The following AP2B1 variants were observed in gnomAD, a reference collection of about 807,000 sequenced individuals.
The protein encoded by AP2B1 is adaptor related protein complex 2 subunit beta 1.
A neutral mutation model predicts 102.0 loss-of-function variants in AP2B1; 23 were observed. That is an observed-to-expected ratio of 0.23 (90% CI 0.16 to 0.32). AP2B1 has a LOEUF of 0.32. Among genes scored for constraint, AP2B1 ranks in the 10% least tolerant of loss-of-function variants. The probability of loss-of-function intolerance (pLI) is 1.00; values close to 1 mark genes in which losing one functional copy is unlikely to be tolerated. For missense variants in AP2B1, 541 were observed against 1,157.4 expected (o/e 0.47, Z 7.73); for synonymous variants, 381 against 421.2 (o/e 0.90, Z 1.17).
At chr17:35,604,854 C>T (rs748400053) in intron 3 of AP2B1, among the ~76,000 whole-genome samples, 1 of 152,184 alleles carries the variant, frequency 6.6e-6, no homozygotes, top group Non-Finnish European at 1.5e-5. Context: ...CTAGGATTAA[C>T]ATTTTTTCAT....
At chr17:35,705,023 T>A (rs1407157584) in intron 18 of AP2B1, among the ~76,000 whole-genome samples, 1 of 151,972 alleles carries the variant, frequency 6.6e-6, no homozygotes, top group Non-Finnish European at 1.5e-5. Flanking sequence ...AGAGCCAGAC[T>A]CTGTCTCAAA....
chr17:35,610,142 A>ATTTATTT (rs113790186), intron 5 of AP2B1, among the ~76,000 whole-genome samples: 127,841 of 149,288 alleles, frequency 0.86, 55,158 homozygotes, highest in East Asian at 0.97. Flanking sequence ...GGTACCTTTT[A>ATTTATTT]TTTATTTTTT....
intron 2 of AP2B1, among the ~76,000 whole-genome samples, chr17:35,596,250 G>A (rs1184975547): frequency 6.6e-6 from 1 of 152,200 alleles, no homozygotes; most frequent in African/African-American, 2.4e-5. Context: ...GTTCCCGGAA[G>A]TGAATGAGAG....
At chr17:35,641,847 T>G (rs1466900103) in intron 11 of AP2B1, 30 bp from the exon 12 acceptor site, 2 of 1,531,286 alleles carry the variant, frequency 1.3e-6, no homozygotes, top group Non-Finnish European at 1.8e-6. Context: ...GTGCCATTCT[T>G]TCACACTATC....
At position 35,682,766 on chromosome 17, in the gene AP2B1, C is replaced by G. The variant is rs1393883963; in HGVS notation, c.2396C>G (p.Ser799Cys). 6.2e-7 allele frequency: 1 copy of G among 1,613,204 alleles called. No individual in the cohort carries two copies. Among genetic ancestry groups the G allele is most frequent in the South Asian group, 1.1e-5 (1 of 91,076 alleles). Residue 799 changes from serine (S) to cysteine (C), a missense_variant, in exon 18 of 22, where the codon TCC (serine) becomes TGC (cysteine). Coordinates refer to ENST00000610402, the MANE Select transcript of AP2B1 (RefSeq NM_001030006.2). ...PLMPNQSIDV[S>C]LPLNTLGPVM... ...ATGCCAAACCAGAGCATTGATGTCT[C>G]CCTGCCTCTCAATACCTTGGGCCCA...
At chr17:35,611,263 A>G (rs2073854922) in intron 5 of AP2B1, among the ~76,000 whole-genome samples, 2 of 152,222 alleles carry the variant, frequency 1.3e-5, no homozygotes, top group Non-Finnish European at 2.9e-5. Flanking sequence ...CCAGGTGGGC[A>G]GAATATCATG....
intron 20 of AP2B1, among the ~76,000 whole-genome samples, chr17:35,715,063 C>T (rs782570801): frequency 7.2e-5 from 11 of 152,156 alleles, no homozygotes; most frequent in Non-Finnish European, 1.5e-4. Flanking sequence ...TTCTGCAATC[C>T]GTAAATCTTC....
At chr17:35,588,846 A>G (rs2072991003) in intron 1 of AP2B1, 1 of 152,230 alleles carries the variant, frequency 6.6e-6, no homozygotes, top group South Asian at 2.1e-4. Flanking sequence ...ATATAAATCT[A>G]ATATTCTGAC....
chr17:35,610,524 A>G (rs1161360647), intron 5 of AP2B1, among the ~76,000 whole-genome samples: 1 of 151,774 alleles, frequency 6.6e-6, no homozygotes. Context: ...GCACTTTGGG[A>G]GGCTGAGGCA....
chr17:35,723,681 C>T lies in AP2B1; in HGVS notation c.2838C>T (p.Asp946=). 1 of 1,612,386 alleles carries T rather than the reference C, an allele frequency of 6.2e-7. No homozygotes were observed. Among genetic ancestry groups the T allele is most frequent in the East Asian group, 2.2e-5 (1 of 44,878 alleles). ...EVSQYIYQVY[D]SILKN is the part of the protein sequence containing the mutation. ...CTCAATACATCTATCAGGTCTACGA[C>T]AGCATTTTGAAAAACTAACAAGACT... is the stretch of plus-strand genomic sequence containing the variant. Residue 946 remains aspartate, a synonymous_variant, in exon 22 of 22, where the codon GAC becomes GAT. Transcript: ENST00000610402.
Position 35,640,418 on chromosome 17 carries a change from A to G in AP2B1, c.1437+658A>G, listed in dbSNP as rs542223806. Among the ~76,000 whole-genome samples, 7 of 150,678 alleles carry G rather than the reference A, an allele frequency of 4.6e-5. No individual in the cohort carries two copies. In the South Asian group the frequency reaches 8.4e-4, roughly 18 times the overall value. ...CTCCCAACTAATTTTTTGTATTTTTAGTAGAGACAGGGTTTCACCATGTTG... is the reference window on the plus strand; with the variant it reads ...CTCCCAACTAATTTTTTGTATTTTTGGTAGAGACAGGGTTTCACCATGTTG... On this transcript the variant is annotated intron_variant, in intron 11 of 21. Coordinates refer to ENST00000610402, the MANE Select transcript of AP2B1 (RefSeq NM_001030006.2).
intron 14 of AP2B1, among the ~76,000 whole-genome samples, chr17:35,661,829 C>T (rs980998857): frequency 8.5e-5 from 13 of 152,216 alleles, no homozygotes; most frequent in Non-Finnish European, 1.5e-4. Context: ...TACTGTCACA[C>T]TCATAAAATT....
chr17:35,721,541 G>A (rs1472339414), intron 21 of AP2B1, among the ~76,000 whole-genome samples: 2 of 152,076 alleles, frequency 1.3e-5, no homozygotes, highest in African/African-American at 4.8e-5. Context: ...GGGGAGGTGT[G>A]GATATTAAGA....
intron 21 of AP2B1, among the ~76,000 whole-genome samples, chr17:35,717,876 G>A (rs2085225207): frequency 6.6e-6 from 1 of 152,160 alleles, no homozygotes; most frequent in South Asian, 2.1e-4. Context: ...TTTAGTTTGG[G>A]AAATTTCCTT....
intron 18 of AP2B1, among the ~76,000 whole-genome samples, chr17:35,704,834 C>A (rs587655088): frequency 6.6e-6 from 1 of 152,160 alleles, no homozygotes; most frequent in South Asian, 2.1e-4. Flanking sequence ...AATTCGAGAC[C>A]AGCCTGACCA....
chr17:35,717,580 T>TC (rs2143011788), intron 21 of AP2B1, among the ~76,000 whole-genome samples: 1 of 152,176 alleles, frequency 6.6e-6, no homozygotes, highest in South Asian at 2.1e-4. Flanking sequence ...AATCCATCCC[T>TC]CCCCCCTGGT....
rs148753910 is a variant in AP2B1 at position 35,596,604 on chromosome 17, G to A, written c.38-1626G>A. Among the ~76,000 whole-genome samples the A allele has an allele frequency of 2.7e-3, 408 of 150,890 alleles. 5 individuals carry two copies. In the East Asian group the frequency reaches 0.048, roughly 18 times the overall value. ...TCATCCCGCGCCTGCCAGGCCCGGC[G>A]GCCATGTCGCTCACTCGGGTGGCGG... On this transcript the variant is annotated intron_variant, in intron 2 of 21. Transcript: ENST00000610402.
intron 5 of AP2B1, among the ~76,000 whole-genome samples, chr17:35,617,754 T>C (rs225246): frequency 0.87 from 132,434 of 152,168 alleles, 58,037 homozygotes; most frequent in African/African-American, 0.97. Flanking sequence ...ACTTTACTCT[T>C]AGAAATGGGG....
At chr17:35,607,909 A>T (rs2073740823) in intron 4 of AP2B1, 1 of 508,622 alleles carries the variant, frequency 2.0e-6, no homozygotes, top group Admixed American at 3.4e-5. Context: ...AATCCTGCTG[A>T]GCTGTTTCTC....
Sources: gnomAD v4.1 joint callset for allele counts (sites outside exome capture counted in the v4.1 genomes callset) on GRCh38, gnomAD v4.1.1 for gene constraint, MANE v1.5 for transcripts, NCBI Gene and HGNC (gene_info 2026-07-23, HGNC 2026-07-21) for gene names.